Variants in SRP19 observed in about 807,000 individuals in gnomAD.
The protein encoded by SRP19 is signal recognition particle 19.
SRP19 carries 11 observed loss-of-function variants against 22.4 expected under a neutral mutation model. That is an observed-to-expected ratio of 0.49 (90% CI 0.31 to 0.81). SRP19 has a LOEUF of 0.81. Ranked by LOEUF, SRP19 falls within the 40% of genes least tolerant of loss-of-function variation. The pLI is 0.05. For missense variants in SRP19, 168 were observed against 175.9 expected (o/e 0.96, Z 0.25); for synonymous variants, 61 against 57.6 (o/e 1.06, Z -0.27).
In SRP19 at chr5:112,862,587, A is replaced by G. The variant is rs940713106; in HGVS notation, c.117+4A>G. 1 of 1,613,316 alleles carries G rather than the reference A, an allele frequency of 6.2e-7. No individual in the cohort carries two copies. The highest frequency in any genetic ancestry group is 1.3e-5 in the African/African-American group (1 of 75,036). On this transcript the variant is annotated splice_donor_region_variant and intron_variant, in intron 2 of 4. Coordinates refer to ENST00000505459, the MANE Select transcript of SRP19 (RefSeq NM_003135.3). Reference sequence around the variant, plus strand: ...AAGGCGAATCCCCATAAGTAAGGTAAGCAAGATGGCTGGCACCTTGATCCT... The same window carrying G: ...AAGGCGAATCCCCATAAGTAAGGTAGGCAAGATGGCTGGCACCTTGATCCT...
Position 112,867,825 on chromosome 5 carries a change from A to G in SRP19, c.*288A>G. On this transcript the variant is annotated 3_prime_UTR_variant, in exon 5 of 5. Transcript: ENST00000505459. ...ACTGTACAATAAGTTACTTGAAATA[A>G]GTTGTTTCAGATAAATTTCAATTAG... 1 of 1,078,572 alleles carries G rather than the reference A, an allele frequency of 9.3e-7. No individual in the cohort carries two copies. The allele number at this position is 1,078,572 out of a possible 1,614,324, so 66.8% of individuals were successfully genotyped here. A position where few individuals can be genotyped will look rare whatever the true frequency, so the allele number is the denominator to read the frequency against.
chr5:112,873,186 C>G (rs1188279178), downstream of SRP19, among the ~76,000 whole-genome samples: 2 of 135,378 alleles, frequency 1.5e-5, no homozygotes, highest in African/African-American at 5.6e-5. Context: ...TTGAAAATTT[C>G]ATTGATAATT....
intron 4 of SRP19, among the ~76,000 whole-genome samples, chr5:112,884,779 G>GC (rs35461707): frequency 0.021 from 3,101 of 147,814 alleles, 54 homozygotes; most frequent in East Asian, 0.034. Context: ...CCAGTCCTTG[G>GC]CCCCCCCCCA....
chr5:112,861,454 G>T, intron 1 of SRP19, 37 bp downstream of exon 1: 2 of 1,606,356 alleles, frequency 1.2e-6, no homozygotes, highest in East Asian at 2.2e-5. Context: ...GAAAGGAAGG[G>T]GCTTGCTGTG....
chr5:112,862,579 G>A lies in SRP19; in HGVS notation c.113G>A (p.Ser38Asn), dbSNP rs199762246. 1.3e-4 allele frequency: 205 copies of A among 1,613,534 alleles called. 1 individual carries two copies. Among genetic ancestry groups the A allele is most frequent in the Admixed American group, 1.7e-4 (10 of 59,994 alleles). ...GCAGAGGGAAGGCGAATCCCCATAA[G>A]TAAGGTAAGCAAGATGGCTGGCACC... Reference protein sequence around the residue: ...TIAEGRRIPISKAVENPTATE... With the variant: ...TIAEGRRIPINKAVENPTATE... The change falls in exon 2 of 5, where the codon AGT (serine) becomes AAT (asparagine). Residue 38 changes from serine (S) to asparagine (N), a missense_variant. By Grantham distance (46) the Ser-to-Asn change is conservative. Transcript: ENST00000505459.
At position 112,880,967 on chromosome 5, in the gene SRP19, A is replaced by G. The variant is rs547738912; in HGVS notation, c.302-10636A>G. ...AACATGGCATAACGGTGTCTCTACTAAAAATACAAGTATCAGCTGGGCGTG... is the reference window on the plus strand; with the variant it reads ...AACATGGCATAACGGTGTCTCTACTGAAAATACAAGTATCAGCTGGGCGTG... On this transcript the variant is annotated intron_variant, in intron 4 of 4. Transcript: ENST00000391338. Among the ~76,000 whole-genome samples, 25 of 152,138 alleles carry G rather than the reference A, an allele frequency of 1.6e-4. No individual in the cohort carries two copies. In the East Asian group the frequency reaches 3.7e-3, roughly 22 times the overall value.
chr5:112,870,712 C>T (rs1470056442), downstream of SRP19, among the ~76,000 whole-genome samples: 1 of 152,162 alleles, frequency 6.6e-6, no homozygotes, highest in Non-Finnish European at 1.5e-5. Flanking sequence ...ATGTTACTAT[C>T]TGAGGAGTGG....
intron 1 of SRP19, among the ~76,000 whole-genome samples, chr5:112,862,072 T>G (rs1767420077): frequency 6.6e-6 from 1 of 152,232 alleles, no homozygotes; most frequent in African/African-American, 2.4e-5. Flanking sequence ...GTCCAGGTTC[T>G]TGGCGTTTTG....
chr5:112,866,985 C>T (rs536401400), intron 4 of SRP19, among the ~76,000 whole-genome samples: 2 of 152,096 alleles, frequency 1.3e-5, no homozygotes, highest in Admixed American at 6.5e-5. Flanking sequence ...TCTTACCCAT[C>T]GGATCGCTTG....
intron 4 of SRP19, among the ~76,000 whole-genome samples, chr5:112,881,749 C>G (rs1299077206): frequency 1.3e-5 from 2 of 152,040 alleles, no homozygotes; most frequent in African/African-American, 2.4e-5. Context: ...ACTTAATGTT[C>G]CTTTCTAACA....
In SRP19 at chr5:112,868,003, T is replaced by G. The variant is rs1378746568; in HGVS notation, c.*466T>G. ...AGTTTCCATAGTGTGAGGCTAAAAC[T>G]AGAAGAAACTGTGGTAGGTCCTTTT... On this transcript the variant is annotated 3_prime_UTR_variant, in exon 5 of 5. Coordinates refer to ENST00000505459, the MANE Select transcript of SRP19 (RefSeq NM_003135.3). 1 of 986,278 alleles carries G rather than the reference T, an allele frequency of 1.0e-6. No homozygotes were observed. 61.1% of individuals were successfully genotyped at this position (986,278 alleles called of 1,614,324 possible).
At chr5:112,892,922 G>A (rs1768531917) in exon 5 of SRP19, 2 of 1,606,378 alleles carry the variant, frequency 1.2e-6, no homozygotes, top group African/African-American at 1.3e-5. Context: ...TCACCAAGCA[G>A]AGGAAGAAAT....
downstream of SRP19, among the ~76,000 whole-genome samples, chr5:112,873,849 A>G (rs577622843): frequency 3.9e-5 from 6 of 152,184 alleles, no homozygotes; most frequent in African/African-American, 1.2e-4. Flanking sequence ...TTAAGATAGA[A>G]GGACCAAAAG....
rs1209888916 is a variant in SRP19, at chr5:112,867,726, A to T, written c.*189A>T. 2 of 1,310,142 alleles carry T rather than the reference A, an allele frequency of 1.5e-6. No homozygotes were observed. Among genetic ancestry groups the T allele is most frequent in the Admixed American group, 3.5e-5 (1 of 28,600 alleles). 81.2% of individuals were successfully genotyped at this position (1,310,142 alleles called of 1,614,324 possible). A position where few individuals can be genotyped will look rare whatever the true frequency, so the allele number is the denominator to read the frequency against. On this transcript the variant is annotated 3_prime_UTR_variant, in exon 5 of 5. Transcript: ENST00000505459. ...TACATCAGAAGTTTGCATCTCGCGT[A>T]TATGCCGTATAAAAGAATTTTTTTG...
chr5:112,864,725 C>G lies in SRP19; in HGVS notation c.294C>G (p.Phe98Leu), dbSNP rs147944769. The change falls in exon 4 of 5, where the codon TTC becomes TTG. Residue 98 changes from phenylalanine (F) to leucine (L), a missense_variant. Transcript: ENST00000505459. ...ATGGGAGCCTCTGCCTTGTACAGTT[C>G]CCATCACGTAAGCTTGTTTAAATGA... ...QEDGSLCLVQ[F>L]PSRKSVMLYA... 6.2e-7 allele frequency: 1 copy of G among 1,610,938 alleles called. No individual in the cohort carries two copies. The highest frequency in any genetic ancestry group is 8.5e-7 in the Non-Finnish European group (1 of 1,178,134).
intron 4 of SRP19, among the ~76,000 whole-genome samples, chr5:112,889,622 T>C (rs753412272): frequency 8.6e-5 from 13 of 150,566 alleles, no homozygotes; most frequent in Non-Finnish European, 7.4e-5. Context: ...CTTTGAAATA[T>C]TTAAATGTAA....
intron 4 of SRP19, among the ~76,000 whole-genome samples, chr5:112,879,278 C>T (rs757518341): frequency 1.4e-5 from 2 of 142,210 alleles, no homozygotes; most frequent in Non-Finnish European, 3.0e-5. Context: ...TCAGAGAAGT[C>T]CTCATTCCCA....
intron 1 of SRP19, 103 bp from the exon 2 acceptor site, chr5:112,862,405 A>G (rs1221151752): frequency 7.6e-6 from 7 of 924,970 alleles, no homozygotes; most frequent in Non-Finnish European, 1.2e-5. Context: ...TACCCATCTG[A>G]TATCTAGGCA....
downstream of SRP19, among the ~76,000 whole-genome samples, chr5:112,873,215 T>C: frequency 6.6e-6 from 1 of 150,956 alleles, no homozygotes; most frequent in East Asian, 1.9e-4. Context: ...CTTTCTGACC[T>C]TTCTTGGTAC....
Sources: gnomAD v4.1 joint callset for allele counts (sites outside exome capture counted in the v4.1 genomes callset) on GRCh38, gnomAD v4.1.1 for gene constraint, MANE v1.5 for transcripts, NCBI Gene and HGNC (gene_info 2026-07-23, HGNC 2026-07-21) for gene names.